CFAP20DC: variants seen among roughly 807,000 people sequenced by gnomAD.
CFAP20DC encodes CFAP20 domain containing, also known as protein CFAP20DC.
In CFAP20DC, 84 loss-of-function variants were observed where a neutral mutation model predicts 101.7. The observed-to-expected ratio is 0.83, with a 90% CI of 0.69 to 0.99. The LOEUF is 0.99. Among genes scored for constraint, CFAP20DC ranks in the 50% least tolerant of loss-of-function variants. CFAP20DC has a pLI of 0.00. For missense variants in CFAP20DC, 1,007 were observed against 970.3 expected (o/e 1.04, Z -0.50); for synonymous variants, 359 against 351.2 (o/e 1.02, Z -0.25).
intron 5 of CFAP20DC, among the ~76,000 whole-genome samples, chr3:58,929,259 G>A (rs1559839467): frequency 6.6e-6 from 1 of 152,140 alleles, no homozygotes; most frequent in Non-Finnish European, 1.5e-5. Context: ...GTGGGTTACA[G>A]CCACATACAT....
rs544670270 is a variant in CFAP20DC at position 58,993,636 on chromosome 3, C to A, written c.278+45921G>T. Among the ~76,000 whole-genome samples the A allele has an allele frequency of 4.6e-5, 7 of 152,258 alleles. No individual in the cohort carries two copies. In the East Asian group the frequency reaches 7.7e-4, roughly 17 times the overall value. ...GTGTGTGTTGTTTCCTTCCACGCAT[C>A]CATGTGTCCTCATCATTCAGCTCCC... On this transcript the variant is annotated intron_variant, in intron 4 of 16. Transcript: ENST00000482387.
chr3:58,792,337 C>T (rs931195624), intron 15 of CFAP20DC, among the ~76,000 whole-genome samples: 13 of 151,942 alleles, frequency 8.6e-5, no homozygotes, highest in African/African-American at 1.9e-4. Flanking sequence ...TATTTTACTC[C>T]GAGTTTCATT....
chr3:58,920,444 A>G (rs1229242609), intron 5 of CFAP20DC, among the ~76,000 whole-genome samples: 4 of 152,012 alleles, frequency 2.6e-5, no homozygotes, highest in Non-Finnish European at 5.9e-5. Context: ...AGCAGTCAAT[A>G]TTTTATCGTA....
At chr3:58,933,905 G>A (rs79342914) in intron 5 of CFAP20DC, among the ~76,000 whole-genome samples, 18 of 151,760 alleles carry the variant, frequency 1.2e-4, no homozygotes, top group East Asian at 5.8e-4. Context: ...AGCAGAAGGC[G>A]AGAAATAACT....
chr3:58,772,593 A>G (rs1012058570), intron 15 of CFAP20DC, among the ~76,000 whole-genome samples: 9 of 152,198 alleles, frequency 5.9e-5, no homozygotes, highest in Admixed American at 1.3e-4. Flanking sequence ...CTGTAAACAC[A>G]TACTTGCCCT....
At position 58,773,460 on chromosome 3, in the gene CFAP20DC, G is replaced by A. The variant is rs1026651278; in HGVS notation, c.2238-19597C>T. On this transcript the variant is annotated intron_variant, in intron 15 of 16. Coordinates refer to ENST00000482387, the MANE Select transcript of CFAP20DC (RefSeq NM_001394063.1). ...TGCTTGGGCTACTTGGGGGGCTGAA[G>A]TGGGAGGACTGCTTGAGCCTGGAGG... is the stretch of plus-strand genomic sequence containing the variant. Among the ~76,000 whole-genome samples the A allele has an allele frequency of 6.6e-5, 10 of 152,048 alleles. No individual in the cohort carries two copies. The East Asian group carries it at 1.7e-3, about 26-fold the overall frequency.
chr3:59,044,005 T>C (rs1167365532), intron 3 of CFAP20DC, among the ~76,000 whole-genome samples: 2 of 152,174 alleles, frequency 1.3e-5, no homozygotes, highest in Non-Finnish European at 2.9e-5. Context: ...TTCTGATAAG[T>C]AATATCACAA....
intron 7 of CFAP20DC, among the ~76,000 whole-genome samples, chr3:58,883,145 T>G (rs771859946): frequency 2.0e-5 from 3 of 152,218 alleles, no homozygotes; most frequent in Non-Finnish European, 4.4e-5. Flanking sequence ...CTTCAAACTT[T>G]GACCACTCTC....
Position 58,742,547 on chromosome 3 carries a change from C to T in CFAP20DC, c.2358G>A (p.Glu786=), listed in dbSNP as rs2067933059. The T allele has an allele frequency of 1.2e-6, 2 of 1,604,520 alleles. No homozygotes were observed. Among genetic ancestry groups the T allele is most frequent in the South Asian group, 2.2e-5 (2 of 89,100 alleles). The change falls in exon 17 of 17, where the codon GAG becomes GAA. Residue 786 remains glutamate (E), a synonymous_variant. Coordinates refer to ENST00000482387, the MANE Select transcript of CFAP20DC (RefSeq NM_001394063.1). Reference sequence around the variant, plus strand: ...ACAACAAAGTCAGTACTTCCTCGTCCTCTTCCACACTGAGGTCTTCTTCAC... The same window carrying T: ...ACAACAAAGTCAGTACTTCCTCGTCTTCTTCCACACTGAGGTCTTCTTCAC... The part of the protein sequence containing the change: ...VQGEEDLSVE[E]DEEVLTLLYD...
chr3:58,815,662 G>A (rs1344407660), intron 14 of CFAP20DC, among the ~76,000 whole-genome samples: 2 of 150,534 alleles, frequency 1.3e-5, no homozygotes, highest in African/African-American at 4.9e-5. Context: ...AAATTTACAA[G>A]AAAAAAAACA....
intron 6 of CFAP20DC, among the ~76,000 whole-genome samples, chr3:58,884,969 C>T (rs565338920): frequency 7.2e-5 from 11 of 152,168 alleles, no homozygotes; most frequent in African/African-American, 2.2e-4. Context: ...TAAATAAGAG[C>T]ATGCATTGGA....
chr3:58,947,688 T>C (rs1050986321), intron 4 of CFAP20DC, among the ~76,000 whole-genome samples: 4 of 152,232 alleles, frequency 2.6e-5, no homozygotes, highest in African/African-American at 9.6e-5. Context: ...TTGGCTGTGT[T>C]GTGCAGCGTC....
Position 58,725,636 on chromosome 3 carries a change from G to A in CFAP20DC, c.198-8008C>T, listed in dbSNP as rs185001085. ...CCAAAGCAGTGCCTCCACAAACAAA[G>A]GTGAAACAGGGCTTTTTTTGAGCTG... On this transcript the variant is annotated intron_variant, in intron 3 of 3. Coordinates refer to the CFAP20DC transcript ENST00000486145. 5.6e-3 allele frequency among the ~76,000 whole-genome samples: 850 copies of A among 152,072 alleles called. 3 individuals carry two copies. The highest frequency in any genetic ancestry group is 0.02 in the African/African-American group (817 of 41,570).
chr3:58,865,755 A>T (rs537482140), intron 11 of CFAP20DC, among the ~76,000 whole-genome samples: 1 of 152,308 alleles, frequency 6.6e-6, no homozygotes, highest in East Asian at 1.9e-4. Flanking sequence ...TATACTGAGA[A>T]TCTTCATTAT....
At chr3:58,744,036 T>C (rs1255208823) in intron 16 of CFAP20DC, among the ~76,000 whole-genome samples, 1 of 152,240 alleles carries the variant, frequency 6.6e-6, no homozygotes, top group Non-Finnish European at 1.5e-5. Flanking sequence ...CTGCTGATTC[T>C]TGTGAGTTGA....
In CFAP20DC at chr3:58,899,507, C is replaced by T. The variant is rs1022425364; in HGVS notation, c.550+14201G>A. ...ATGGATCTCCCACCTTGCTGAGAAT[C>T]CTGGGGGTGGAGTATGCAAAACTCC... On this transcript the variant is annotated intron_variant, in intron 6 of 16. Transcript: ENST00000482387. This position sits in a 1 kb window ranked among gnomAD's most constrained non-coding sequence, Gnocchi z 5.0. Among the ~76,000 whole-genome samples the T allele has an allele frequency of 6.6e-6, 1 of 152,170 alleles. No individual in the cohort carries two copies. Among genetic ancestry groups the T allele is most frequent in the Non-Finnish European group, 1.5e-5 (1 of 68,040 alleles).
intron 14 of CFAP20DC, among the ~76,000 whole-genome samples, chr3:58,811,034 A>T (rs891895817): frequency 6.6e-6 from 1 of 152,186 alleles, no homozygotes; most frequent in African/African-American, 2.4e-5. Flanking sequence ...ACTACAAATC[A>T]CTGCTCAGTG....
At chr3:58,824,085 C>G (rs1171685727) in intron 14 of CFAP20DC, among the ~76,000 whole-genome samples, 2 of 152,102 alleles carry the variant, frequency 1.3e-5, no homozygotes, top group Non-Finnish European at 2.9e-5. Flanking sequence ...ACTCTAATAT[C>G]AGTTTTCGTA....
At chr3:59,012,648 T>G (rs995178118) in intron 4 of CFAP20DC, among the ~76,000 whole-genome samples, 7 of 152,208 alleles carry the variant, frequency 4.6e-5, no homozygotes, top group South Asian at 2.1e-4. Flanking sequence ...ATTTTAGACA[T>G]GTATTTCTAG....
Sources: gnomAD v4.1 joint callset for allele counts (sites outside exome capture counted in the v4.1 genomes callset) on GRCh38, gnomAD v4.1.1 for gene constraint, Gnocchi (gnomAD v3.1) non-coding constraint, MANE v1.5 for transcripts, NCBI Gene and HGNC (gene_info 2026-07-23, HGNC 2026-07-21) for gene names.